UBAC2: variants seen among roughly 807,000 people sequenced by gnomAD.
UBAC2 encodes UBA domain containing 2.
Under a neutral mutation model 44.0 loss-of-function variants are expected in UBAC2, and 26 were observed. That is an observed-to-expected ratio of 0.59 (90% confidence interval 0.43 to 0.82). UBAC2 has a LOEUF of 0.82. UBAC2 is among the 40% of genes least tolerant of loss of function. The probability of loss-of-function intolerance (pLI) is 0.00; values close to 1 mark genes in which losing one functional copy is unlikely to be tolerated. For synonymous variants in UBAC2, 155 were observed against 154.3 expected (o/e 1.00, Z -0.04); for missense variants, 329 against 419.4 (o/e 0.78, Z 1.88).
At chr13:99,335,604 C>T (rs767616768) in intron 6 of UBAC2, among the ~76,000 whole-genome samples, 1 of 152,134 alleles carries the variant, frequency 6.6e-6, no homozygotes, top group South Asian at 2.1e-4. Context: ...ACATGTGATA[C>T]CTTCTATGTG....
In UBAC2 at chr13:99,295,404, G is replaced by T. The variant is rs1259242279; in HGVS notation, c.390-18693G>T. 2.5e-6 allele frequency: 4 copies of T among 1,614,016 alleles called. No individual in the cohort carries two copies. The African/African-American group carries it at 4.0e-5, about 16-fold the overall frequency. On this transcript the variant is annotated intron_variant, in intron 4 of 8. Coordinates refer to ENST00000403766, the MANE Select transcript of UBAC2 (RefSeq NM_001144072.2). The surrounding 1 kb of genome is among the most constrained non-coding windows in gnomAD (Gnocchi z 4.1). ...CAGAGAACAAACACAACAATAATAA[G>T]AATAATTGTGTTGAGAGCCTTTTTG...
chr13:99,260,698 T>G (rs2043647958), intron 4 of UBAC2, among the ~76,000 whole-genome samples: 1 of 152,200 alleles, frequency 6.6e-6, no homozygotes, highest in African/African-American at 2.4e-5. Flanking sequence ...GTTTCTTTAA[T>G]ACTTGAACCT....
At chr13:99,238,697 CTT>C in intron 2 of UBAC2, 143 bp downstream of exon 2, 1 of 749,982 alleles carries the variant, frequency 1.3e-6, no homozygotes, top group Non-Finnish European at 1.9e-6. Flanking sequence ...CATTAAGTAA[CTT>C]TTCTAGTTAT....
At chr13:99,317,821 T>C (rs2044513112) in intron 5 of UBAC2, among the ~76,000 whole-genome samples, 1 of 152,166 alleles carries the variant, frequency 6.6e-6, no homozygotes. Context: ...CAAAGTCTGA[T>C]GTCTGAATAA....
intron 4 of UBAC2, among the ~76,000 whole-genome samples, chr13:99,249,417 A>G (rs928917647): frequency 6.6e-6 from 1 of 152,146 alleles, no homozygotes; most frequent in African/African-American, 2.4e-5. Flanking sequence ...TGTATGTACC[A>G]TATTTTCTTT....
At chr13:99,355,147 T>G (rs1032966194) in intron 7 of UBAC2, among the ~76,000 whole-genome samples, 4 of 150,896 alleles carry the variant, frequency 2.7e-5, no homozygotes, top group African/African-American at 9.7e-5. Context: ...GTTTCACCTC[T>G]GTTTCTGTCA....
chr13:99,237,065 T>C (rs951555851), intron 1 of UBAC2, among the ~76,000 whole-genome samples: 1 of 152,084 alleles, frequency 6.6e-6, no homozygotes, highest in African/African-American at 2.4e-5. Context: ...TATCTGCACT[T>C]CCATGCTTAT....
intron 1 of UBAC2, among the ~76,000 whole-genome samples, chr13:99,231,824 T>A (rs546713745): frequency 6.6e-6 from 1 of 152,350 alleles, no homozygotes; most frequent in South Asian, 2.1e-4. Flanking sequence ...CTACATACTT[T>A]ACTGTCTGTG....
chr13:99,264,455 T>C (rs1013987342), intron 4 of UBAC2, among the ~76,000 whole-genome samples: 2 of 152,372 alleles, frequency 1.3e-5, no homozygotes, highest in Middle Eastern at 3.4e-3. Context: ...GTAAAGTGCA[T>C]GCTGTAGACA....
At chr13:99,247,627 C>T (rs1818004038) in intron 4 of UBAC2, among the ~76,000 whole-genome samples, 1 of 152,098 alleles carries the variant, frequency 6.6e-6, no homozygotes, top group African/African-American at 2.4e-5. Context: ...GGACAAATAC[C>T]TAATGCATAT....
At chr13:99,311,239 G>C (rs547162945) in intron 4 of UBAC2, among the ~76,000 whole-genome samples, 2 of 152,164 alleles carry the variant, frequency 1.3e-5, no homozygotes, top group African/African-American at 2.4e-5. Context: ...TAAGTGCTGT[G>C]GGGGAGGACA....
At chr13:99,233,084 A>C (rs1034453299) in intron 1 of UBAC2, among the ~76,000 whole-genome samples, 5 of 152,054 alleles carry the variant, frequency 3.3e-5, no homozygotes, top group African/African-American at 1.2e-4. Context: ...AGAAAATTAC[A>C]GTGAGCACAT....
At chr13:99,209,304 C>A (rs370310695) in intron 1 of UBAC2, among the ~76,000 whole-genome samples, 1 of 152,216 alleles carries the variant, frequency 6.6e-6, no homozygotes, top group Non-Finnish European at 1.5e-5. Context: ...CGGGAGGGAA[C>A]CCTCACATTC....
In UBAC2 at chr13:99,227,789, C is replaced by T. The variant is rs556339445; in HGVS notation, c.32-10638C>T. On this transcript the variant is annotated intron_variant, in intron 1 of 8. Coordinates refer to ENST00000403766, the MANE Select transcript of UBAC2 (RefSeq NM_001144072.2). Reference sequence around the variant, plus strand: ...GCATGGTACAGCGTGGATGCCTACTCATATTTAGAGAATGATTGAGAATAC... The same window carrying T: ...GCATGGTACAGCGTGGATGCCTACTTATATTTAGAGAATGATTGAGAATAC... Among the ~76,000 whole-genome samples the T allele has an allele frequency of 4.5e-4, 68 of 152,286 alleles. 1 individual carries two copies. The highest frequency in any genetic ancestry group is 1.5e-3 in the African/African-American group (62 of 41,550).
intron 6 of UBAC2, among the ~76,000 whole-genome samples, chr13:99,330,275 A>G (rs574788443): frequency 2.8e-4 from 43 of 151,954 alleles, no homozygotes; most frequent in African/African-American, 9.6e-4. Context: ...CCTGACCAAC[A>G]TGGTGAAACC....
chr13:99,213,728 C>T (rs961747612), intron 1 of UBAC2, among the ~76,000 whole-genome samples: 1 of 152,088 alleles, frequency 6.6e-6, no homozygotes, highest in Admixed American at 6.6e-5. Flanking sequence ...ACACTTAGAA[C>T]ATCTTTGTAA....
intron 4 of UBAC2, chr13:99,255,456 C>A (rs779442891): frequency 6.2e-7 from 1 of 1,614,008 alleles, no homozygotes; most frequent in Non-Finnish European, 8.5e-7. Flanking sequence ...CACACGCCAG[C>A]ACGGCTTTGC....
At chr13:99,201,576 C>T in intron 1 of UBAC2, 1 of 1,613,316 alleles carries the variant, frequency 6.2e-7, no homozygotes, top group East Asian at 2.2e-5. Flanking sequence ...AGGTAGGGGG[C>T]GGAGTATTTT....
intron 8 of UBAC2, among the ~76,000 whole-genome samples, chr13:99,368,186 T>C (rs1398437164): frequency 6.6e-6 from 1 of 152,122 alleles, no homozygotes; most frequent in Non-Finnish European, 1.5e-5. Flanking sequence ...ACTAATGAGA[T>C]TGGTTCTCTG....
Sources: gnomAD v4.1 joint callset for allele counts (sites outside exome capture counted in the v4.1 genomes callset) on GRCh38, gnomAD v4.1.1 for gene constraint, Gnocchi (gnomAD v3.1) non-coding constraint, MANE v1.5 for transcripts, NCBI Gene and HGNC (gene_info 2026-07-23, HGNC 2026-07-21) for gene names.